CENPX: variants seen among roughly 807,000 people sequenced by gnomAD.
The protein encoded by CENPX is FANCM associated histone fold protein 2.
CENPX carries 13 observed loss-of-function variants against 13.2 expected under a neutral mutation model. The observed-to-expected ratio is 0.98, with a 90% CI of 0.64 to 1.56. CENPX has a LOEUF of 1.56. CENPX is among the 40% of genes most tolerant of loss of function. CENPX has a pLI of 0.00. For synonymous variants in CENPX, 66 were observed against 47.2 expected (o/e 1.40, Z -1.63); for missense variants, 138 against 107.5 (o/e 1.28, Z -1.26).
At chr17:82,019,424 T>G in intron 3 of CENPX, 43 bp from the exon 4 acceptor site, 1 of 1,526,456 alleles carries the variant, frequency 6.6e-7, no homozygotes, top group Non-Finnish European at 8.8e-7. Flanking sequence ...TGGGGGGATC[T>G]TAAACCCGAG....
chr17:82,019,711 G>A lies in CENPX; in HGVS notation c.89-17C>T, dbSNP rs963151425. The A allele has an allele frequency of 5.2e-6, 8 of 1,550,310 alleles. No homozygotes were observed. Among genetic ancestry groups the A allele is most frequent in the Middle Eastern group, 1.7e-4 (1 of 5,992 alleles). On this transcript the variant is annotated splice_polypyrimidine_tract_variant and intron_variant, in intron 2 of 4. Coordinates refer to ENST00000392359, the MANE Select transcript of CENPX (RefSeq NM_001271006.2). ...CCCCGCTCACTGCAAGGCAGGGGGAGGTTATGCGGGACCCTCACCCACCGC... is the reference window on the plus strand; with the variant it reads ...CCCCGCTCACTGCAAGGCAGGGGGAAGTTATGCGGGACCCTCACCCACCGC...
At chr17:82,020,824 G>C (rs1272581425) in intron 1 of CENPX, among the ~76,000 whole-genome samples, 1 of 152,254 alleles carries the variant, frequency 6.6e-6, no homozygotes, top group Non-Finnish European at 1.5e-5. Context: ...CTAGGACACA[G>C]GAGATCAGTT....
intron 1 of CENPX, among the ~76,000 whole-genome samples, chr17:82,020,139 G>A (rs966655654): frequency 2.0e-5 from 3 of 152,248 alleles, no homozygotes; most frequent in African/African-American, 7.2e-5. Flanking sequence ...ACAGGGTCTG[G>A]GCTGGGAGCC....
chr17:82,021,829 CT>C (rs1490195881), intron 1 of CENPX, among the ~76,000 whole-genome samples: 1 of 152,234 alleles, frequency 6.6e-6, no homozygotes, highest in Non-Finnish European at 1.5e-5. Context: ...CAGTGACTTT[CT>C]CTTTCTGAAT....
At chr17:82,022,742 G>A (rs1045124438) in intron 1 of CENPX, 84 bp downstream of exon 1, 9 of 1,459,812 alleles carry the variant, frequency 6.2e-6, no homozygotes, top group Non-Finnish European at 8.4e-6. Flanking sequence ...CGGCGCGGGG[G>A]CTGGCGTCTG....
Position 82,018,744 on chromosome 17 carries a change from A to C in CENPX, c.*461T>G. ...GATTTATTGATGTTGCTTTGTGAGA[A>C]CAAATTTATAGCCTGGGGAAGCATC... On this transcript the variant is annotated 3_prime_UTR_variant, in exon 5 of 5. Transcript: ENST00000392359. 1 of 252,126 alleles carries C rather than the reference A, an allele frequency of 4.0e-6. No homozygotes were observed. The highest frequency in any genetic ancestry group is 7.6e-6 in the Non-Finnish European group (1 of 131,826). 15.6% of individuals were successfully genotyped at this position (252,126 alleles called of 1,614,324 possible). A position where few individuals can be genotyped will look rare whatever the true frequency, so the allele number is the denominator to read the frequency against.
intron 3 of CENPX, 118 bp from the exon 4 acceptor site, chr17:82,019,499 G>A (rs2043237479): frequency 1.3e-6 from 2 of 1,517,508 alleles, no homozygotes; most frequent in African/African-American, 2.8e-5. Context: ...CCCAGAACCA[G>A]GCCACAGCAC....
rs953237996 is a variant in CENPX, at chr17:82,018,881, G to A, written c.*324C>T. On this transcript the variant is annotated 3_prime_UTR_variant, in exon 5 of 5. Transcript: ENST00000392359. Reference sequence around the variant, plus strand: ...CAGCTGCTGTTTGTCAAACACACAGGCTACCTGCTGGCCAGGCCTTTCCCA... The same window carrying A: ...CAGCTGCTGTTTGTCAAACACACAGACTACCTGCTGGCCAGGCCTTTCCCA... The A allele has an allele frequency of 4.0e-5, 15 of 374,550 alleles. No homozygotes were observed. Among genetic ancestry groups the A allele is most frequent in the African/African-American group, 2.9e-4 (14 of 48,280 alleles). The allele number at this position is 374,550 out of a possible 1,614,324, so 23.2% of individuals were successfully genotyped here.
rs145438884 is a variant in CENPX at position 82,020,433 on chromosome 17, G to A, written c.37-524C>T. Reference sequence around the variant, plus strand: ...TCTGGGTGCTGGGTCAGCTCCGCCCGTCTTGCCCTGGTGCTCATGATCCTG... The same window carrying A: ...TCTGGGTGCTGGGTCAGCTCCGCCCATCTTGCCCTGGTGCTCATGATCCTG... On this transcript the variant is annotated intron_variant, in intron 1 of 4. Transcript: ENST00000392359. 2.7e-3 allele frequency among the ~76,000 whole-genome samples: 414 copies of A among 152,314 alleles called. 2 individuals carry two copies. Among genetic ancestry groups the A allele is most frequent in the African/African-American group, 9.4e-3 (389 of 41,566 alleles).
At chr17:82,019,608 T>C (rs762318843) in intron 3 of CENPX, 33 bp downstream of exon 3, 33 of 1,550,114 alleles carry the variant, frequency 2.1e-5, no homozygotes, top group Non-Finnish European at 2.8e-5. Flanking sequence ...TTCCGGATGC[T>C]GTGCCCGGAG....
chr17:82,019,822 CG>C, intron 2 of CENPX, 35 bp downstream of exon 2: 1 of 1,596,790 alleles, frequency 6.3e-7, no homozygotes, highest in Non-Finnish European at 8.5e-7. Flanking sequence ...AGGACAGACA[CG>C]GGGACCCACC....
chr17:82,022,758 C>T, intron 1 of CENPX, 68 bp downstream of exon 1: 1 of 1,520,206 alleles, frequency 6.6e-7, no homozygotes, highest in Non-Finnish European at 8.9e-7. Context: ...GTCTGGCCCT[C>T]ACAGTGTCAC....
chr17:82,022,064 A>C (rs768300191), intron 1 of CENPX, among the ~76,000 whole-genome samples: 1 of 152,200 alleles, frequency 6.6e-6, no homozygotes, highest in Non-Finnish European at 1.5e-5. Context: ...ACATCGAGGA[A>C]GCTCGGTGCC....
intron 1 of CENPX, among the ~76,000 whole-genome samples, chr17:82,020,682 G>T (rs1362659355): frequency 6.6e-6 from 1 of 152,156 alleles, no homozygotes; most frequent in Admixed American, 6.5e-5. Flanking sequence ...AAGGGAGGGG[G>T]CTGCAGAGCC....
At chr17:82,019,830 C>T in intron 2 of CENPX, 28 bp downstream of exon 2, 1 of 1,597,790 alleles carries the variant, frequency 6.3e-7, no homozygotes, top group Non-Finnish European at 8.5e-7. Flanking sequence ...CACGGGGACC[C>T]ACCTCCCGCC....
Position 82,019,911 on chromosome 17 carries a change from T to C in CENPX, c.37-2A>G. The stretch of plus-strand genomic sequence containing the variant: ...GTGCAGCAGCCTGCTCACCAGCTCC[T>C]AGAAGGGAGGGGGGTGTCAGCGCCA... On this transcript the variant is annotated splice_acceptor_variant, in intron 1 of 4. Transcript: ENST00000392359. LOFTEE classifies it high-confidence loss of function. 1.3e-6 allele frequency: 2 copies of C among 1,563,736 alleles called. No individual in the cohort carries two copies. The highest frequency in any genetic ancestry group is 1.7e-6 in the Non-Finnish European group (2 of 1,147,516).
Position 82,019,083 on chromosome 17 carries a change from T to C in CENPX, c.*122A>G. 1.4e-6 allele frequency: 2 copies of C among 1,382,808 alleles called. No individual in the cohort carries two copies. Among genetic ancestry groups the C allele is most frequent in the Non-Finnish European group, 1.9e-6 (2 of 1,036,380 alleles). 85.7% of individuals were successfully genotyped at this position (1,382,808 alleles called of 1,614,324 possible). The stretch of plus-strand genomic sequence containing the variant: ...GCTGGAGACTCCCAGAGATCTTGTT[T>C]GAATCAACTCCAAATCCTTCAGGTC... On this transcript the variant is annotated 3_prime_UTR_variant, in exon 5 of 5. Coordinates refer to ENST00000392359, the MANE Select transcript of CENPX (RefSeq NM_001271006.2).
At chr17:82,022,252 G>C (rs1230173508) in intron 1 of CENPX, among the ~76,000 whole-genome samples, 2 of 152,222 alleles carry the variant, frequency 1.3e-5, no homozygotes, top group African/African-American at 4.8e-5. Context: ...TAGCCCTGCT[G>C]AGTCACTTAA....
At chr17:82,019,723 C>A in intron 2 of CENPX, 29 bp from the exon 3 acceptor site, 1 of 1,550,188 alleles carries the variant, frequency 6.5e-7, no homozygotes, top group Non-Finnish European at 8.7e-7. Flanking sequence ...TTATGCGGGA[C>A]CCTCACCCAC....
Sources: allele counts gnomAD v4.1 joint callset (sites outside exome capture counted in the v4.1 genomes callset), GRCh38; gene constraint gnomAD v4.1.1; transcripts MANE v1.5; gene names NCBI Gene and HGNC (gene_info 2026-07-23, HGNC 2026-07-21).